The following ADH1A variants were observed in gnomAD, a reference collection of about 807,000 sequenced individuals.
The protein encoded by ADH1A is alcohol dehydrogenase 1A.
In ADH1A, 29 loss-of-function variants were observed where a neutral mutation model predicts 35.2. That is an observed-to-expected ratio of 0.82 (90% CI 0.61 to 1.12). The LOEUF is 1.12. ADH1A is among the 50% of genes most tolerant of loss of function. ADH1A has a pLI of 0.00. For synonymous variants in ADH1A, 147 were observed against 164.8 expected, an observed-to-expected ratio of 0.89 and a Z score of 0.83; for missense variants, 469 against 464.7, an observed-to-expected ratio of 1.01 and a Z score of -0.09.
intron 6 of ADH1A, 27 bp downstream of exon 6, chr4:99,282,319 A>C (rs1380040750): frequency 6.2e-7 from 1 of 1,614,096 alleles, no homozygotes; most frequent in African/African-American, 1.3e-5. Flanking sequence ...TAGAGGCAGA[A>C]ATCTCAGGGC....
intron 6 of ADH1A, 141 bp downstream of exon 6, chr4:99,282,205 C>A (rs764999727): frequency 4.6e-6 from 7 of 1,508,898 alleles, no homozygotes; most frequent in Non-Finnish European, 5.5e-6. Flanking sequence ...ATAAATTAAA[C>A]AAGCCAGGTA....
chr4:99,290,634 G>A (rs956191944), intron 1 of ADH1A, among the ~76,000 whole-genome samples: 3 of 152,000 alleles, frequency 2.0e-5, no homozygotes, highest in African/African-American at 4.8e-5. Flanking sequence ...ATAAATTATC[G>A]CTTTACCGCA....
intron 1 of ADH1A, among the ~76,000 whole-genome samples, chr4:99,288,452 T>C (rs1034974467): frequency 3.3e-5 from 5 of 152,166 alleles, no homozygotes; most frequent in African/African-American, 1.2e-4. Context: ...ATCTTATCCA[T>C]AGATGTTCTT....
Position 99,286,873 on chromosome 4 carries a change from T to A in ADH1A, c.236A>T (p.Glu79Val), listed in dbSNP as rs753554281. The change falls in exon 3 of 9, where the codon GAA (glutamate) becomes GTA (valine). Residue 79 changes from glutamate to valine, a missense_variant. Coordinates refer to ENST00000209668, the MANE Select transcript of ADH1A (RefSeq NM_000667.4). The stretch of plus-strand genomic sequence containing the variant: ...ACCTGGTTTGACTGTAGTCACCCCT[T>A]CTCCAACACTCTCCACGATGCCGGC... ...EAAGIVESVGEGVTTVKPGDK... is the reference protein window; with the variant it reads ...EAAGIVESVGVGVTTVKPGDK... 8 of 1,614,006 alleles carry A rather than the reference T, an allele frequency of 5.0e-6. No individual in the cohort carries two copies. The highest frequency in any genetic ancestry group is 1.6e-4 in the Middle Eastern group (1 of 6,082).
chr4:99,286,577 C>T lies in ADH1A; in HGVS notation c.259+273G>A. 1.2e-5 allele frequency: 5 copies of T among 432,106 alleles called. No individual in the cohort carries two copies. In the South Asian group the frequency reaches 1.8e-4, roughly 16 times the overall value. The allele number at this position is 432,106 out of a possible 1,614,324, so 26.8% of individuals were successfully genotyped here. ...TGCCACACTAGTAGGCACTGTGTCC[C>T]TTTTGATCCTCACATATCTCCAGGC... On this transcript the variant is annotated intron_variant, in intron 3 of 8. Transcript: ENST00000209668.
chr4:99,290,733 G>C (rs1733269298), intron 1 of ADH1A, among the ~76,000 whole-genome samples, 164 bp downstream of exon 1: 2 of 152,116 alleles, frequency 1.3e-5, no homozygotes, highest in African/African-American at 4.8e-5. Context: ...TATTTCCACT[G>C]TAGTTCAGTA....
chr4:99,290,804 A>T, intron 1 of ADH1A, 93 bp downstream of exon 1: 1 of 1,290,904 alleles, frequency 7.7e-7, no homozygotes, highest in Non-Finnish European at 1.1e-6. Context: ...TCTAATTTAG[A>T]TATGAATTTT....
intron 2 of ADH1A, 129 bp from the exon 3 acceptor site, chr4:99,287,117 T>A: frequency 1.7e-6 from 2 of 1,168,408 alleles, no homozygotes; most frequent in Non-Finnish European, 2.4e-6. Context: ...CTATCCCAAG[T>A]ATGAAAGATT....
chr4:99,285,009 A>G (rs895276636), intron 3 of ADH1A, among the ~76,000 whole-genome samples: 1 of 152,208 alleles, frequency 6.6e-6, no homozygotes, highest in African/African-American at 2.4e-5. Flanking sequence ...GAAGATTCCT[A>G]AAGAGGACAT....
intron 8 of ADH1A, among the ~76,000 whole-genome samples, chr4:99,278,047 G>A (rs929148380): frequency 6.6e-6 from 1 of 152,094 alleles, no homozygotes; most frequent in African/African-American, 2.4e-5. Flanking sequence ...CCAATATTGA[G>A]TGTTACAATT....
In ADH1A at chr4:99,279,748, A is replaced by G. The variant is rs1427716307; in HGVS notation, c.965-184T>C. Reference sequence around the variant, plus strand: ...GCTCAGACTTAAAAAAAAATCACAGATAAACAAGGGTCCCTGGTTATTCTC... The same window carrying G: ...GCTCAGACTTAAAAAAAAATCACAGGTAAACAAGGGTCCCTGGTTATTCTC... On this transcript the variant is annotated intron_variant, in intron 7 of 8. Coordinates refer to ENST00000209668, the MANE Select transcript of ADH1A (RefSeq NM_000667.4). 3.3e-5 allele frequency among the ~76,000 whole-genome samples: 5 copies of G among 152,312 alleles called. No homozygotes were observed. In the East Asian group the frequency reaches 7.7e-4, roughly 23 times the overall value.
chr4:99,284,272 G>A, intron 5 of ADH1A, 127 bp downstream of exon 5: 4 of 1,013,488 alleles, frequency 3.9e-6, no homozygotes, highest in Non-Finnish European at 6.0e-6. Flanking sequence ...TTTCTGGATT[G>A]TGTTTCTATT....
At position 99,286,554 on chromosome 4, in the gene ADH1A, C is replaced by A. The variant is rs114561104; in HGVS notation, c.259+296G>T. On this transcript the variant is annotated intron_variant, in intron 3 of 8. Transcript: ENST00000209668. ...CACGGAAGTTACTAGATTATGAATG[C>A]CACACTAGTAGGCACTGTGTCCCTT... 7.8e-4 allele frequency: 258 copies of A among 329,300 alleles called. 1 individual carries two copies. Among genetic ancestry groups the A allele is most frequent in the African/African-American group, 5.2e-3 (247 of 47,368 alleles). 20.4% of individuals were successfully genotyped at this position (329,300 alleles called of 1,614,324 possible).
intron 5 of ADH1A, 124 bp from the exon 6 acceptor site, chr4:99,282,730 T>G: frequency 7.0e-7 from 1 of 1,438,272 alleles, no homozygotes; most frequent in Non-Finnish European, 9.3e-7. Flanking sequence ...TTGGCTTCAG[T>G]TGCTTTATTT....
chr4:99,290,910 C>T lies in ADH1A; in HGVS notation c.5G>A (p.Ser2Asn). M[S>N]TAGKVIKCKA... ...TTTTTTGCTTACTTTTCCTGCTGTG[C>T]TCATGTTGATTCTGTCTTCTCTGCA... The change falls in exon 1 of 9, where the codon AGC becomes AAC. Residue 2 changes from serine to asparagine, a missense_variant. By Grantham distance (46) the Ser-to-Asn change is conservative. Coordinates refer to ENST00000209668, the MANE Select transcript of ADH1A (RefSeq NM_000667.4). 1.2e-6 allele frequency: 2 copies of T among 1,613,824 alleles called. No homozygotes were observed. Among genetic ancestry groups the T allele is most frequent in the Non-Finnish European group, 1.7e-6 (2 of 1,179,800 alleles).
chr4:99,287,787 T>C, intron 1 of ADH1A, 122 bp from the exon 2 acceptor site: 1 of 1,039,488 alleles, frequency 9.6e-7, no homozygotes. Context: ...AAGTGCTCTA[T>C]AGAAATGATC....
rs560729722 is a variant in ADH1A, at chr4:99,279,732, T to TA, written c.965-169dup. 2.4e-4 allele frequency among the ~76,000 whole-genome samples: 36 copies of TA among 151,624 alleles called. 1 individual carries two copies. The highest frequency in any genetic ancestry group is 3.4e-3 in the Middle Eastern group (1 of 292). ...CAATAAGCTTTTACAGGCTCAGACT[T>TA]AAAAAAAAATCACAGATAAACAAGG... On this transcript the variant is annotated intron_variant, in intron 7 of 8. Coordinates refer to ENST00000209668, the MANE Select transcript of ADH1A (RefSeq NM_000667.4).
chr4:99,289,476 A>G (rs1733239295), intron 1 of ADH1A, among the ~76,000 whole-genome samples: 1 of 152,220 alleles, frequency 6.6e-6, no homozygotes, highest in Non-Finnish European at 1.5e-5. Context: ...GTAAAAAGTT[A>G]GCAAAAAGTT....
rs1357647382 is a variant in ADH1A at position 99,282,459 on chromosome 4, T to A, written c.715A>T (p.Thr239Ser). 6.2e-7 allele frequency: 1 copy of A among 1,614,146 alleles called. No homozygotes were observed. The highest frequency in any genetic ancestry group is 1.1e-5 in the South Asian group (1 of 91,080). ...KFAKAKELGA[T>S]ECINPQDYKK... is the part of the protein sequence containing the mutation. ...TAGTCTTGAGGGTTGATGCATTCAG[T>A]GGCACCCAACTCTTTGGCCTTTGCA... Residue 239 changes from threonine (T) to serine (S), a missense_variant, in exon 6 of 9, where the codon ACT becomes TCT. Transcript: ENST00000209668.
Sources: allele counts gnomAD v4.1 joint callset (sites outside exome capture counted in the v4.1 genomes callset), GRCh38; gene constraint gnomAD v4.1.1; transcripts MANE v1.5; gene names NCBI Gene and HGNC (gene_info 2026-07-23, HGNC 2026-07-21).